Variants in FBXO11 observed in about 807,000 individuals in gnomAD.
FBXO11 encodes the protein F-box protein 11.
A neutral mutation model predicts 117.0 loss-of-function variants in FBXO11; 13 were observed. The observed-to-expected ratio is 0.11, with a 90% CI of 0.07 to 0.18. The LOEUF is 0.18. FBXO11 is among the 10% of genes least tolerant of loss of function. FBXO11 has a pLI of 1.00. For synonymous variants in FBXO11, 490 were observed against 380.5 expected (o/e 1.29, Z -3.35); for missense variants, 767 against 1,164.4 (o/e 0.66, Z 4.97).
rs964860748 is a variant in FBXO11, at chr2:47,905,975, C to A, written c.-255G>T. ...CACGGGGAAGGCCGAAGCCGCCGGG[C>A]GGGGCGGCCGCGAGGGACGAAGGCA... On this transcript the variant is annotated 5_prime_UTR_variant, in exon 1 of 23. Transcript: ENST00000403359. 2.5e-6 allele frequency: 1 copy of A among 398,582 alleles called. No homozygotes were observed. The highest frequency in any genetic ancestry group is 4.5e-6 in the Non-Finnish European group (1 of 222,212). The allele number at this position is 398,582 out of a possible 1,614,324, so 24.7% of individuals were successfully genotyped here. A position where few individuals can be genotyped will look rare whatever the true frequency, so the allele number is the denominator to read the frequency against.
At chr2:47,826,916 T>C (rs1192879486) in intron 11 of FBXO11, among the ~76,000 whole-genome samples, 3 of 152,172 alleles carry the variant, frequency 2.0e-5, no homozygotes, top group Admixed American at 1.3e-4. Flanking sequence ...TACATTTACA[T>C]TTACATTAGG....
intron 1 of FBXO11, among the ~76,000 whole-genome samples, chr2:47,847,935 T>A (rs868496738): frequency 5.9e-5 from 9 of 151,866 alleles, no homozygotes; most frequent in Middle Eastern, 6.8e-3. Context: ...CCATCCTGGC[T>A]AACACGGTGA....
chr2:47,858,566 C>T lies in FBXO11; in HGVS notation c.233-18797G>A, dbSNP rs376296712. Among the ~76,000 whole-genome samples the T allele has an allele frequency of 3.3e-4, 50 of 149,298 alleles. No homozygotes were observed. In the East Asian group the frequency reaches 9.9e-3, roughly 29 times the overall value. On this transcript the variant is annotated intron_variant, in intron 1 of 22. Transcript: ENST00000403359. ...GCATGGTAGCACATGCCTGTAATTC[C>T]AGCTATTCAGGAGGCTGAGGCAGGA...
chr2:47,896,024 C>A (rs1260911160), intron 1 of FBXO11, among the ~76,000 whole-genome samples: 1 of 152,060 alleles, frequency 6.6e-6, no homozygotes, highest in East Asian at 1.9e-4. Flanking sequence ...TGTATATAGC[C>A]CATTTATATT....
intron 1 of FBXO11, among the ~76,000 whole-genome samples, chr2:47,861,561 A>T (rs945758742): frequency 6.6e-6 from 1 of 152,120 alleles, no homozygotes; most frequent in African/African-American, 2.4e-5. Context: ...GGCTCAAGCA[A>T]TCCTCCCATC....
At chr2:47,847,031 G>A (rs1673473315) in intron 1 of FBXO11, among the ~76,000 whole-genome samples, 1 of 152,088 alleles carries the variant, frequency 6.6e-6, no homozygotes, top group Admixed American at 6.6e-5. Context: ...TTCATCTGAG[G>A]CCAGGAGTTC....
At position 47,807,681 on chromosome 2, in the gene FBXO11, C is replaced by A; in HGVS notation, c.*437G>T. 1 of 224,420 alleles carries A rather than the reference C, an allele frequency of 4.5e-6. No individual in the cohort carries two copies. The highest frequency in any genetic ancestry group is 6.6e-5 in the East Asian group (1 of 15,050). 13.9% of individuals were successfully genotyped at this position (224,420 alleles called of 1,614,324 possible). A position where few individuals can be genotyped will look rare whatever the true frequency, so the allele number is the denominator to read the frequency against. On this transcript the variant is annotated 3_prime_UTR_variant, in exon 23 of 23. Coordinates refer to ENST00000403359, the MANE Select transcript of FBXO11 (RefSeq NM_001190274.2). ...TGAATACATGTTAAAAAAAAAAAAT[C>A]AAAAGGAACGCAGAAGTGCTAGCTC... is the stretch of plus-strand genomic sequence containing the variant.
chr2:47,837,530 A>G (rs1334613482), intron 4 of FBXO11, among the ~76,000 whole-genome samples: 1 of 152,204 alleles, frequency 6.6e-6, no homozygotes, highest in African/African-American at 2.4e-5. Flanking sequence ...TCCGTCAAAA[A>G]CAACAACAAA....
At chr2:47,858,816 G>T (rs748064555) in intron 1 of FBXO11, among the ~76,000 whole-genome samples, 3 of 151,512 alleles carry the variant, frequency 2.0e-5, no homozygotes, top group Non-Finnish European at 4.4e-5. Context: ...AGGCCAAGAC[G>T]GTTGGATCAC....
chr2:47,887,986 C>A (rs1354301053), intron 1 of FBXO11, among the ~76,000 whole-genome samples: 1 of 151,808 alleles, frequency 6.6e-6, no homozygotes, highest in African/African-American at 2.4e-5. Context: ...CCACTGTGTT[C>A]CTGCTGGGTG....
At chr2:47,883,513 TG>T in intron 1 of FBXO11, 1 of 401,072 alleles carries the variant, frequency 2.5e-6, no homozygotes, top group Non-Finnish European at 5.0e-6. Flanking sequence ...ATTGAACCCT[TG>T]GATACAACAG....
chr2:47,890,811 GA>G (rs372701492), intron 1 of FBXO11, among the ~76,000 whole-genome samples: 28,414 of 146,354 alleles, frequency 0.19, 3,005 homozygotes, highest in Non-Finnish European at 0.25. Context: ...CTAAAAAAAA[GA>G]AAAAAAAAAA....
rs139123791 is a variant in FBXO11 at position 47,842,720 on chromosome 2, A to G, written c.233-2951T>C. Among the ~76,000 whole-genome samples the G allele has an allele frequency of 3.6e-3, 554 of 152,002 alleles. 4 individuals are homozygous for G. Among genetic ancestry groups the G allele is most frequent in the Non-Finnish European group, 5.8e-3 (397 of 67,994 alleles). On this transcript the variant is annotated intron_variant, in intron 1 of 22. Coordinates refer to ENST00000403359, the MANE Select transcript of FBXO11 (RefSeq NM_001190274.2). ...TTTCAATTACTATTATTTCATTTAA[A>G]TATTATTCGATTAACATCACTTTCA...
chr2:47,833,137 G>C (rs936083625), intron 7 of FBXO11, 67 bp from the exon 8 acceptor site: 5 of 1,039,880 alleles, frequency 4.8e-6, no homozygotes, highest in Non-Finnish European at 7.4e-6. Context: ...TCTTTATGGA[G>C]GGGGAACTTA....
At chr2:47,812,899 C>T in intron 18 of FBXO11, 2 of 277,536 alleles carry the variant, frequency 7.2e-6, no homozygotes, top group South Asian at 3.9e-5. Context: ...ATTTACAGAT[C>T]AATTTCTCAC....
chr2:47,825,095 T>A (rs1406897082), intron 11 of FBXO11, among the ~76,000 whole-genome samples: 1 of 152,212 alleles, frequency 6.6e-6, no homozygotes, highest in Non-Finnish European at 1.5e-5. Flanking sequence ...TGATGAATTT[T>A]TTTTGCCAAA....
chr2:47,888,278 G>A (rs1172051848), intron 1 of FBXO11, among the ~76,000 whole-genome samples: 3 of 152,132 alleles, frequency 2.0e-5, no homozygotes, highest in East Asian at 3.9e-4. Flanking sequence ...TATCATTACT[G>A]ACTGGGAATC....
intron 1 of FBXO11, among the ~76,000 whole-genome samples, chr2:47,873,098 G>C (rs960191984): frequency 5.9e-5 from 9 of 152,148 alleles, no homozygotes; most frequent in African/African-American, 2.2e-4. Context: ...TAAGTCTATG[G>C]ATTTATTTTT....
chr2:47,876,454 G>T (rs933662254), intron 1 of FBXO11, among the ~76,000 whole-genome samples: 2 of 152,166 alleles, frequency 1.3e-5, no homozygotes, highest in African/African-American at 4.8e-5. Flanking sequence ...TAAGTGAGGA[G>T]CTCTCTATTT....
Sources: gnomAD v4.1 joint callset for allele counts (sites outside exome capture counted in the v4.1 genomes callset) on GRCh38, gnomAD v4.1.1 for gene constraint, MANE v1.5 for transcripts, NCBI Gene and HGNC (gene_info 2026-07-23, HGNC 2026-07-21) for gene names.